ARHGEF37: variants seen among roughly 807,000 people sequenced by gnomAD.
ARHGEF37 encodes the protein Rho guanine nucleotide exchange factor (GEF) 37.
A neutral mutation model predicts 71.1 loss-of-function variants in ARHGEF37; 55 were observed. The observed-to-expected ratio is 0.77, with a 90% confidence interval of 0.62 to 0.97. The LOEUF is 0.97. ARHGEF37 is among the 50% of genes least tolerant of loss of function. The probability of loss-of-function intolerance (pLI) is 0.00; values close to 1 mark genes in which losing one functional copy is unlikely to be tolerated. For missense variants in ARHGEF37, 765 were observed against 836.8 expected, an observed-to-expected ratio of 0.91 and a Z score of 1.06; for synonymous variants, 327 against 350.6, an observed-to-expected ratio of 0.93 and a Z score of 0.75.
chr5:149,611,307 G>T (rs6873616), intron 4 of ARHGEF37, among the ~76,000 whole-genome samples: 140,652 of 152,284 alleles, frequency 0.92, 65,997 homozygotes, highest in East Asian at 1. Context: ...TAGCAGTGAT[G>T]TTTTTGCAAA....
intron 1 of ARHGEF37, among the ~76,000 whole-genome samples, chr5:149,572,204 A>T (rs1293766355): frequency 6.6e-6 from 1 of 152,218 alleles, no homozygotes; most frequent in African/African-American, 2.4e-5. Flanking sequence ...GGAGGAAAAG[A>T]AAGTCTTTTC....
chr5:149,611,463 TG>T (rs1466892637), intron 4 of ARHGEF37, among the ~76,000 whole-genome samples: 3 of 152,246 alleles, frequency 2.0e-5, no homozygotes, highest in African/African-American at 7.2e-5. Context: ...ACACTGTGTG[TG>T]GGAGCCCTAG....
chr5:149,627,162 C>T lies in ARHGEF37; in HGVS notation c.1551C>T (p.Ile517=). The stretch of plus-strand genomic sequence containing the variant: ...AGCTGTACCAGGTGACAAGCAACAT[C>T]AGTGGGACTGGGACTCTGGACCTGA... ...PGKLYQVTSN[I]SGTGTLDLTL... is the part of the protein sequence containing the mutation. The change falls in exon 11 of 13, where the codon ATC becomes ATT. Residue 517 remains isoleucine, a synonymous_variant. Coordinates refer to ENST00000333677, the MANE Select transcript of ARHGEF37 (RefSeq NM_001001669.3). 1.2e-6 allele frequency: 2 copies of T among 1,614,182 alleles called. No homozygotes were observed.
rs568372758 is a variant in ARHGEF37 at position 149,624,266 on chromosome 5, T to C, written c.1464+126T>C. On this transcript the variant is annotated intron_variant, in intron 10 of 12. Transcript: ENST00000333677. ...ATGTTTCCTGTTATCCATGGAAATA[T>C]GTTCTCTTCTCTCTCCTTTCTATTT... is the stretch of plus-strand genomic sequence containing the variant. 4.6e-6 allele frequency: 6 copies of C among 1,306,488 alleles called. No individual in the cohort carries two copies. In the South Asian group the frequency reaches 5.4e-5, roughly 12 times the overall value. The allele number at this position is 1,306,488 out of a possible 1,614,324, so 80.9% of individuals were successfully genotyped here. A position where few individuals can be genotyped will look rare whatever the true frequency, so the allele number is the denominator to read the frequency against.
intron 1 of ARHGEF37, among the ~76,000 whole-genome samples, chr5:149,583,019 T>C (rs1263067504): frequency 1.3e-5 from 2 of 152,234 alleles, no homozygotes; most frequent in Non-Finnish European, 2.9e-5. Context: ...ACCCTCAATA[T>C]TTGACTCCAA....
intron 1 of ARHGEF37, among the ~76,000 whole-genome samples, chr5:149,565,341 T>C (rs984629116): frequency 6.6e-6 from 1 of 152,204 alleles, no homozygotes; most frequent in Admixed American, 6.5e-5. Context: ...TATATCTGCA[T>C]TGTGTCCTCA....
chr5:149,551,829 C>T (rs1391331862), upstream of ARHGEF37: 2 of 152,352 alleles, frequency 1.3e-5, no homozygotes, highest in East Asian at 1.9e-4. Flanking sequence ...GATCTTTCTT[C>T]TGGCCGTTCC....
chr5:149,630,749 G>C (rs764059992), intron 12 of ARHGEF37, among the ~76,000 whole-genome samples: 2 of 152,216 alleles, frequency 1.3e-5, no homozygotes, highest in Non-Finnish European at 2.9e-5. Context: ...TCATTTGGGT[G>C]AGCTCAGCTG....
chr5:149,580,841 C>T (rs1359572301), upstream of ARHGEF37, among the ~76,000 whole-genome samples: 1 of 152,140 alleles, frequency 6.6e-6, no homozygotes, highest in Non-Finnish European at 1.5e-5. Context: ...GTTTGGTTGC[C>T]CCGATATGAA....
chr5:149,601,312 C>T, intron 3 of ARHGEF37, 81 bp downstream of exon 3: 4 of 1,474,666 alleles, frequency 2.7e-6, no homozygotes, highest in South Asian at 1.3e-5. Context: ...TTAACTGTCT[C>T]CAGAGTTCCA....
chr5:149,619,964 T>G (rs1752488039), intron 7 of ARHGEF37, among the ~76,000 whole-genome samples: 1 of 151,420 alleles, frequency 6.6e-6, no homozygotes, highest in Non-Finnish European at 1.5e-5. Context: ...TCCCAGCTAC[T>G]CAGGAGGCTG....
intron 3 of ARHGEF37, among the ~76,000 whole-genome samples, chr5:149,608,398 T>C (rs973714372): frequency 6.6e-6 from 1 of 151,666 alleles, no homozygotes; most frequent in African/African-American, 2.4e-5. Context: ...TGAGATGGTG[T>C]CTTGCTCTGT....
At chr5:149,595,206 C>T (rs1164376506) in intron 1 of ARHGEF37, among the ~76,000 whole-genome samples, 3 of 152,154 alleles carry the variant, frequency 2.0e-5, no homozygotes, top group African/African-American at 4.8e-5. Flanking sequence ...GACAGGGTCT[C>T]GCTCTGTCAC....
Position 149,627,107 on chromosome 5 carries a change from A to G in ARHGEF37, c.1496A>G (p.Gln499Arg). The change falls in exon 11 of 13, where the codon CAG becomes CGG. Residue 499 changes from glutamine to arginine, a missense_variant. By Grantham distance (43) the Gln-to-Arg change is conservative. This residue lies in a region of ARHGEF37 where 390 missense variants were observed against 407.4 expected (regional missense o/e 0.96). Coordinates refer to ENST00000333677, the MANE Select transcript of ARHGEF37 (RefSeq NM_001001669.3). ...CTTCCAGGGTCTGAACGCCAGGTGC[A>G]GGCTCTCCTGAGCAGGTATGGCCCT... ...PLLPGSERQV[Q>R]ALLSRYGPGK... 6.2e-7 allele frequency: 1 copy of G among 1,613,904 alleles called. No homozygotes were observed.
At position 149,588,596 on chromosome 5, in the gene ARHGEF37, C is replaced by A. The variant is rs990857957; in HGVS notation, c.-12+6972C>A. On this transcript the variant is annotated intron_variant, in intron 1 of 12. Coordinates refer to ENST00000333677, the MANE Select transcript of ARHGEF37 (RefSeq NM_001001669.3). ...TATGGGCATGAGCCACCATGCCCGG[C>A]CCCTTTATTCTTCAACAGGGTCCTT... Among the ~76,000 whole-genome samples the A allele has an allele frequency of 7.1e-4, 108 of 152,276 alleles. 1 individual carries two copies. The highest frequency in any genetic ancestry group is 2.5e-3 in the African/African-American group (105 of 41,566).
chr5:149,602,407 G>T (rs566558912), intron 3 of ARHGEF37, among the ~76,000 whole-genome samples: 49 of 152,220 alleles, frequency 3.2e-4, no homozygotes, highest in Non-Finnish European at 5.3e-4. Context: ...GGATTATGAG[G>T]GGGTGGTGAG....
At chr5:149,599,364 C>A (rs542569242) in intron 2 of ARHGEF37, among the ~76,000 whole-genome samples, 1 of 152,170 alleles carries the variant, frequency 6.6e-6, no homozygotes, top group East Asian at 1.9e-4. Context: ...ACAGCCCCTG[C>A]AGGCCCTCAG....
intron 1 of ARHGEF37, among the ~76,000 whole-genome samples, chr5:149,553,602 T>C (rs1195609692): frequency 6.6e-6 from 1 of 152,148 alleles, no homozygotes; most frequent in Non-Finnish European, 1.5e-5. Context: ...GTGATAAAAA[T>C]GCTCAATGAA....
At chr5:149,584,832 G>T (rs1244465363) in intron 1 of ARHGEF37, among the ~76,000 whole-genome samples, 4 of 152,016 alleles carry the variant, frequency 2.6e-5, no homozygotes, top group Non-Finnish European at 4.4e-5. Context: ...ATGTTGGCCA[G>T]GCTGGTCTTG....
Sources: allele counts gnomAD v4.1 joint callset (sites outside exome capture counted in the v4.1 genomes callset), GRCh38; gene constraint gnomAD v4.1.1; regional missense constraint gnomAD v4.1.1; transcripts MANE v1.5; gene names NCBI Gene and HGNC (gene_info 2026-07-23, HGNC 2026-07-21).